NDUFAF7: variants seen among roughly 807,000 people sequenced by gnomAD.
NDUFAF7 encodes the protein protein arginine methyltransferase NDUFAF7, mitochondrial.
NDUFAF7 carries 48 observed loss-of-function variants against 47.2 expected under a neutral mutation model. The observed-to-expected ratio is 1.02, with a 90% confidence interval of 0.81 to 1.29. NDUFAF7 has a LOEUF of 1.29. Ranked by LOEUF, NDUFAF7 falls within the 50% of genes most tolerant of loss-of-function variation. The probability of loss-of-function intolerance (pLI) is 0.00; values close to 1 mark genes in which losing one functional copy is unlikely to be tolerated. For missense variants in NDUFAF7, 635 were observed against 537.6 expected (o/e 1.18, Z -1.79); for synonymous variants, 217 against 190.0 (o/e 1.14, Z -1.17).
At chr2:37,246,685 T>C (rs1187254987) in intron 8 of NDUFAF7, among the ~76,000 whole-genome samples, 1 of 152,226 alleles carries the variant, frequency 6.6e-6, no homozygotes. Flanking sequence ...TCAATTCTAT[T>C]CAATATACTT....
chr2:37,248,332 T>G lies in NDUFAF7; in HGVS notation c.1308T>G (p.Ser436Arg). 1.2e-6 allele frequency: 2 copies of G among 1,613,980 alleles called. No individual in the cohort carries two copies. The highest frequency in any genetic ancestry group is 1.7e-6 in the Non-Finnish European group (2 of 1,179,820). ...TTGCATCCGTTGTAGCTGGGTTTAG[T>G]GAACTTGCTTGGCAGTGATATTTCA... ...KPFASVVAGF[S>R]ELAWQ Residue 436 changes from serine (S) to arginine (R), a missense_variant, in exon 10 of 10, where the codon AGT (serine) becomes AGG (arginine). By Grantham distance (110) the Ser-to-Arg change is moderately radical. Coordinates refer to ENST00000002125, the MANE Select transcript of NDUFAF7 (RefSeq NM_144736.5).
chr2:37,264,945 A>G, the NDUFAF7 span, among the ~76,000 whole-genome samples: 1 of 152,314 alleles, frequency 6.6e-6, no homozygotes, highest in East Asian at 1.9e-4. Context: ...TCACTTCTAA[A>G]TCAGTGATCC....
chr2:37,246,116 C>G lies in NDUFAF7; in HGVS notation c.857C>G (p.Ser286Cys), dbSNP rs747069113. ...GCTGGTGTTATCATCGAGGAACTTT[C>G]TCAACGCATTGCATTAACTGGAGGT... ...PDAGVIIEEL[S>C]QRIALTGGAA... The change falls in exon 8 of 10, where the codon TCT becomes TGT. Residue 286 changes from serine to cysteine, a missense_variant. Transcript: ENST00000002125. 3.1e-6 allele frequency: 5 copies of G among 1,613,878 alleles called. No homozygotes were observed. The Admixed American group carries it at 6.7e-5, about 22-fold the overall frequency.
chr2:37,267,523 C>CT, the NDUFAF7 span: 1 of 1,606,038 alleles, frequency 6.2e-7, no homozygotes, highest in African/African-American at 1.3e-5. Context: ...CCCTCCCAGT[C>CT]TTTCTATGTT....
At chr2:37,245,824 GA>G (rs1217429387) in intron 7 of NDUFAF7, among the ~76,000 whole-genome samples, 1 of 152,212 alleles carries the variant, frequency 6.6e-6, no homozygotes, top group Non-Finnish European at 1.5e-5. Context: ...TTTTATAAAA[GA>G]GATTAAAATG....
chr2:37,259,963 G>A, the NDUFAF7 span, among the ~76,000 whole-genome samples: 14 of 152,152 alleles, frequency 9.2e-5, no homozygotes, highest in Non-Finnish European at 1.8e-4. Context: ...CAAGGAGTTC[G>A]AGACCAGCCT....
rs769604642 is a variant in NDUFAF7 at position 37,231,811 on chromosome 2, G to C, written c.55+51G>C. 75 of 1,611,008 alleles carry C rather than the reference G, an allele frequency of 4.7e-5. 2 individuals are homozygous for C. The Admixed American group carries it at 1.3e-3, about 27-fold the overall frequency. On this transcript the variant is annotated intron_variant, in intron 1 of 9. Coordinates refer to ENST00000002125, the MANE Select transcript of NDUFAF7 (RefSeq NM_144736.5). ...GGTTGCCGTGGAAGCCGCGTGGGGC[G>C]CCTTCCTCAGCTCTTCAGTTGAGGG...
the NDUFAF7 span, chr2:37,269,407 G>C: frequency 1.8e-6 from 1 of 558,400 alleles, no homozygotes; most frequent in Non-Finnish European, 3.2e-6. Flanking sequence ...AAAATTTTCT[G>C]ATTCTGTTAA....
At chr2:37,261,898 C>A in the NDUFAF7 span, among the ~76,000 whole-genome samples, 2 of 152,180 alleles carry the variant, frequency 1.3e-5, no homozygotes, top group Non-Finnish European at 2.9e-5. Context: ...ATTTTGAATA[C>A]CTGCACAACC....
rs778919799 is a variant in NDUFAF7, at chr2:37,247,203, C to T, written c.937-253C>T. On this transcript the variant is annotated intron_variant, in intron 8 of 9. Coordinates refer to ENST00000002125, the MANE Select transcript of NDUFAF7 (RefSeq NM_144736.5). ...ATGGCCTCCAGCTATGTCTACGTTG[C>T]TGAAAAGGACGTGATTTCATTTTTT... 1.6e-3 allele frequency: 842 copies of T among 517,258 alleles called. 4 individuals carry two copies. The highest frequency in any genetic ancestry group is 2.5e-3 in the Non-Finnish European group (686 of 279,832). 32.0% of individuals were successfully genotyped at this position (517,258 alleles called of 1,614,324 possible). A position where few individuals can be genotyped will look rare whatever the true frequency, so the allele number is the denominator to read the frequency against.
chr2:37,267,360 AAAG>A, the NDUFAF7 span: 3 of 1,130,572 alleles, frequency 2.7e-6, no homozygotes, highest in East Asian at 2.5e-5. Context: ...AAAAAAAAAA[AAAG>A]AGAAGCAGTT....
Position 37,236,128 on chromosome 2 carries a change from A to C in NDUFAF7, c.249A>C (p.Glu83Asp). Residue 83 changes from glutamate (E) to aspartate (D), a missense_variant, in exon 3 of 10, where the codon GAA (glutamate) becomes GAC (aspartate). By Grantham distance (45) the Glu-to-Asp change is conservative. Transcript: ENST00000002125. ...ATGTGTACCGTGACATGCTAGGCGAAAAAGGAGATTTCATTACTTCACCTG... is the reference window on the plus strand; with the variant it reads ...ATGTGTACCGTGACATGCTAGGCGACAAAGGAGATTTCATTACTTCACCTG... ...GYYVYRDMLG[E>D]KGDFITSPEI... The C allele has an allele frequency of 6.2e-7, 1 of 1,613,460 alleles. No individual in the cohort carries two copies. Among genetic ancestry groups the C allele is most frequent in the Non-Finnish European group, 8.5e-7 (1 of 1,179,490 alleles).
At chr2:37,237,964 A>T (rs112166222) in intron 4 of NDUFAF7, 97 bp downstream of exon 4, 9 of 834,740 alleles carry the variant, frequency 1.1e-5, no homozygotes, top group African/African-American at 1.0e-4. Context: ...TCAGTTCCTT[A>T]ATTTCATATT....
Position 37,248,327 on chromosome 2 carries a change from T to C in NDUFAF7, c.1303T>C (p.Phe435Leu), listed in dbSNP as rs749519288. Residue 435 changes from phenylalanine to leucine, a missense_variant, in exon 10 of 10, where the codon TTT becomes CTT. Phe to Leu is a conservative substitution (Grantham distance 22, BLOSUM62 0). Coordinates refer to ENST00000002125, the MANE Select transcript of NDUFAF7 (RefSeq NM_144736.5). ...SKPFASVVAG[F>L]SELAWQ The stretch of plus-strand genomic sequence containing the variant: ...ACCCTTTGCATCCGTTGTAGCTGGG[T>C]TTAGTGAACTTGCTTGGCAGTGATA... 26 of 1,613,990 alleles carry C rather than the reference T, an allele frequency of 1.6e-5. No individual in the cohort carries two copies. The South Asian group carries it at 2.7e-4, about 17-fold the overall frequency.
At chr2:37,253,050 A>G, downstream of NDUFAF7, 1 of 969,112 alleles carries the variant, frequency 1.0e-6, no homozygotes, top group Non-Finnish European at 1.5e-6. Context: ...TACTGGTGTC[A>G]CTTATTCGTT....
the NDUFAF7 span, chr2:37,267,557 G>C: frequency 1.3e-6 from 2 of 1,542,132 alleles, no homozygotes; most frequent in Non-Finnish European, 8.9e-7. Context: ...AAAAAGAAGA[G>C]GAACGAATGA....
chr2:37,256,083 T>A (rs1459211568), downstream of NDUFAF7, among the ~76,000 whole-genome samples: 1 of 151,868 alleles, frequency 6.6e-6, no homozygotes, highest in Non-Finnish European at 1.5e-5. Flanking sequence ...TGTAGAGGAG[T>A]AGTCAGGGAA....
chr2:37,251,602 T>C (rs556017911), downstream of NDUFAF7: 2 of 152,468 alleles, frequency 1.3e-5, no homozygotes, highest in South Asian at 2.1e-4. Context: ...AGTCTGTTCA[T>C]GTACCAGAAC....
chr2:37,260,129 A>C, the NDUFAF7 span: 7 of 1,160,038 alleles, frequency 6.0e-6, no homozygotes, highest in Middle Eastern at 2.4e-4. Flanking sequence ...GCACCACTGC[A>C]CTCCAGCCCA....
Sources: gnomAD v4.1 joint callset for allele counts (sites outside exome capture counted in the v4.1 genomes callset) on GRCh38, gnomAD v4.1.1 for gene constraint, MANE v1.5 for transcripts, NCBI Gene and HGNC (gene_info 2026-07-23, HGNC 2026-07-21) for gene names.